PHACTR3: variants seen among roughly 807,000 people sequenced by gnomAD.
PHACTR3 encodes phosphatase and actin regulator 3, also known as protein phosphatase 1, regulatory subunit 123.
Under a neutral mutation model 66.8 loss-of-function variants are expected in PHACTR3, and 16 were observed. The ratio of observed to expected loss-of-function variants is 0.24; its 90% CI spans 0.16 to 0.36. The LOEUF is 0.36. PHACTR3 is among the 10% of genes least tolerant of loss of function. The pLI is 1.00. For missense variants in PHACTR3, 647 were observed against 719.9 expected (o/e 0.90, Z 1.16); for synonymous variants, 323 against 292.1 (o/e 1.11, Z -1.08).
intron 7 of PHACTR3, among the ~76,000 whole-genome samples, chr20:59,785,129 C>G (rs927218243): frequency 6.6e-5 from 10 of 152,272 alleles, no homozygotes; most frequent in Admixed American, 4.6e-4. Flanking sequence ...TAACAGGATA[C>G]CACAGAGTGG....
At chr20:59,593,024 T>G (rs1204087326) in intron 1 of PHACTR3, among the ~76,000 whole-genome samples, 1 of 152,192 alleles carries the variant, frequency 6.6e-6, no homozygotes, top group African/African-American at 2.4e-5. Context: ...AGGAAGGCAA[T>G]GTCTGGATCG....
intron 1 of PHACTR3, among the ~76,000 whole-genome samples, chr20:59,599,301 A>T (rs968066021): frequency 6.6e-6 from 1 of 152,184 alleles, no homozygotes; most frequent in African/African-American, 2.4e-5. Context: ...AAACACAACA[A>T]AAATCCCCGT....
chr20:59,794,123 C>CAAAAAAAAA (rs71183186), intron 7 of PHACTR3, among the ~76,000 whole-genome samples: 1 of 97,856 alleles, frequency 1.0e-5, no homozygotes, highest in African/African-American at 4.4e-5. Flanking sequence ...GACTCCATCT[C>CAAAAAAAAA]AAAAAAAAAA....
At chr20:59,647,851 G>T (rs1402131902) in intron 1 of PHACTR3, among the ~76,000 whole-genome samples, 1 of 152,128 alleles carries the variant, frequency 6.6e-6, no homozygotes, top group Non-Finnish European at 1.5e-5. Flanking sequence ...TCTTGGCTGG[G>T]TTTCCTCATC....
chr20:59,607,610 C>T (rs2033713294), intron 1 of PHACTR3, among the ~76,000 whole-genome samples: 1 of 152,236 alleles, frequency 6.6e-6, no homozygotes, highest in African/African-American at 2.4e-5. Flanking sequence ...ACACCTCTTT[C>T]TCCCATTTTC....
At chr20:59,754,669 G>A (rs371155644) in intron 3 of PHACTR3, among the ~76,000 whole-genome samples, 6 of 152,352 alleles carry the variant, frequency 3.9e-5, no homozygotes, top group African/African-American at 9.6e-5. Context: ...GTTGTCCCCT[G>A]TCTGGGTTGG....
At chr20:59,579,903 G>A (rs935568196) in intron 1 of PHACTR3, among the ~76,000 whole-genome samples, 4 of 152,156 alleles carry the variant, frequency 2.6e-5, no homozygotes, top group African/African-American at 4.8e-5. Context: ...TCGGGGAGGA[G>A]GGAGACTGGC....
chr20:59,604,782 C>G lies in PHACTR3; in HGVS notation c.-233C>G. 1 of 1,195,920 alleles carries G rather than the reference C, an allele frequency of 8.4e-7. No individual in the cohort carries two copies. Among genetic ancestry groups the G allele is most frequent in the African/African-American group, 1.6e-5 (1 of 63,350 alleles). The allele number at this position is 1,195,920 out of a possible 1,614,324, so 74.1% of individuals were successfully genotyped here. A position where few individuals can be genotyped will look rare whatever the true frequency, so the allele number is the denominator to read the frequency against. ...ATAAATAACAAAGCGAGGCCGCGCA[C>G]GCCGGGATGCGCCTGGCTGCAGCCG... On this transcript the variant is annotated 5_prime_UTR_variant, in exon 1 of 13. Coordinates refer to ENST00000371015, the MANE Select transcript of PHACTR3 (RefSeq NM_080672.5).
intron 4 of PHACTR3, among the ~76,000 whole-genome samples, chr20:59,757,710 G>A (rs2039851713): frequency 6.6e-6 from 1 of 152,222 alleles, no homozygotes; most frequent in Non-Finnish European, 1.5e-5. Context: ...CCAGCACTTT[G>A]GGAAGCCAAG....
intron 8 of PHACTR3, among the ~76,000 whole-genome samples, chr20:59,819,547 A>G (rs1256880870): frequency 6.6e-6 from 1 of 151,888 alleles, no homozygotes; most frequent in Non-Finnish European, 1.5e-5. Context: ...AAAAAAAAAA[A>G]AAAAAAGAAA....
chr20:59,819,644 T>A (rs977624271), intron 8 of PHACTR3, among the ~76,000 whole-genome samples: 6 of 152,056 alleles, frequency 3.9e-5, no homozygotes, highest in African/African-American at 1.4e-4. Context: ...TGTGGCCTGG[T>A]TGGGCCGGTG....
intron 3 of PHACTR3, among the ~76,000 whole-genome samples, chr20:59,752,144 A>G (rs899091717): frequency 6.6e-6 from 1 of 152,208 alleles, no homozygotes; most frequent in African/African-American, 2.4e-5. Flanking sequence ...AATCAAGTCT[A>G]TCTGGTTTCC....
At chr20:59,723,096 TTCTTTCTTTC>T (rs1220498022) in intron 1 of PHACTR3, among the ~76,000 whole-genome samples, 4 of 150,866 alleles carry the variant, frequency 2.7e-5, no homozygotes, top group Admixed American at 6.6e-5. Context: ...CTTTCTTTCT[TTCTTTCTTTC>T]TTTCTTTCTT....
chr20:59,750,839 C>T (rs1252394031), intron 3 of PHACTR3, among the ~76,000 whole-genome samples: 1 of 151,752 alleles, frequency 6.6e-6, no homozygotes, highest in Non-Finnish European at 1.5e-5. Context: ...AACCTGTAAT[C>T]AACGTGCTGT....
intron 1 of PHACTR3, among the ~76,000 whole-genome samples, chr20:59,674,507 C>CTT (rs2036329255): frequency 8.0e-6 from 1 of 124,302 alleles, no homozygotes; most frequent in African/African-American, 3.4e-5. Context: ...TCTCCTGTTC[C>CTT]CCCTTCTCCT....
chr20:59,712,731 A>G (rs1349159599), intron 1 of PHACTR3, among the ~76,000 whole-genome samples: 2 of 152,228 alleles, frequency 1.3e-5, no homozygotes, highest in Non-Finnish European at 2.9e-5. Flanking sequence ...TAGAAAACCT[A>G]CAATCAGGTG....
intron 9 of PHACTR3, 93 bp from the exon 10 acceptor site, chr20:59,840,276 T>C (rs1426282895): frequency 2.8e-5 from 42 of 1,503,638 alleles, no homozygotes; most frequent in Non-Finnish European, 3.2e-5. Context: ...CCCAGAAATA[T>C]GGATATCTTG....
At chr20:59,598,092 T>C (rs1210027574) in intron 1 of PHACTR3, among the ~76,000 whole-genome samples, 1 of 152,172 alleles carries the variant, frequency 6.6e-6, no homozygotes, top group Non-Finnish European at 1.5e-5. Flanking sequence ...CAGTGGCCCA[T>C]GACACAAGAG....
At chr20:59,836,136 T>A in intron 8 of PHACTR3, 1 of 168,628 alleles carries the variant, frequency 5.9e-6, no homozygotes, top group African/African-American at 2.4e-5. Flanking sequence ...CACCCCTCCC[T>A]AAGCCAATGG....
Sources: allele counts gnomAD v4.1 joint callset (sites outside exome capture counted in the v4.1 genomes callset), GRCh38; gene constraint gnomAD v4.1.1; transcripts MANE v1.5; gene names NCBI Gene and HGNC (gene_info 2026-07-23, HGNC 2026-07-21).